The following CELSR2 variants were observed in gnomAD, a reference collection of about 807,000 sequenced individuals.
CELSR2 encodes the protein cadherin EGF LAG seven-pass G-type receptor 2.
CELSR2 carries 81 observed loss-of-function variants against 251.6 expected under a neutral mutation model. The observed-to-expected ratio is 0.32, with a 90% CI of 0.27 to 0.39. CELSR2 has a LOEUF of 0.39. Among genes scored for constraint, CELSR2 ranks in the 10% least tolerant of loss-of-function variants. The probability of loss-of-function intolerance (pLI) is 1.00; values close to 1 mark genes in which losing one functional copy is unlikely to be tolerated. For synonymous variants in CELSR2, 1,721 were observed against 1,670.5 expected, an observed-to-expected ratio of 1.03 and a Z score of -0.74; for missense variants, 3,365 against 3,947.7, an observed-to-expected ratio of 0.85 and a Z score of 3.96.
rs532935188 is a variant in CELSR2 at position 109,267,831 on chromosome 1, C to T, written c.6109-20C>T. The T allele has an allele frequency of 2.0e-5, 32 of 1,591,974 alleles. No homozygotes were observed. Among genetic ancestry groups the T allele is most frequent in the Non-Finnish European group, 2.6e-5 (30 of 1,168,304 alleles). ...AGAGTTCCTGCCCTCACTCCTGCTC[C>T]TCCGCTCCGTCCTGTCTAGGCTGAG... is the stretch of plus-strand genomic sequence containing the variant. On this transcript the variant is annotated intron_variant, in intron 16 of 33. Transcript: ENST00000271332.
chr1:109,263,708 CCGCACG>C lies in CELSR2; in HGVS notation c.4936_4941del (p.Thr1646_Arg1647del). On this transcript the variant is annotated inframe_deletion, in exon 9 of 34. Transcript: ENST00000271332. ...AACCCTGGTACCTCAGCCTCATGTT[CCGCACG>C]CGCCAGGCCGACGGTGTCCTGCTGC... 1 of 1,613,950 alleles carries C rather than the reference CCGCACG, an allele frequency of 6.2e-7. No homozygotes were observed. Among genetic ancestry groups the C allele is most frequent in the South Asian group, 1.1e-5 (1 of 91,088 alleles).
chr1:109,261,160 C>A lies in CELSR2; in HGVS notation c.4077C>A (p.Asp1359Glu), dbSNP rs1656009826. 1 of 1,614,036 alleles carries A rather than the reference C, an allele frequency of 6.2e-7. No individual in the cohort carries two copies. Among genetic ancestry groups the A allele is most frequent in the Non-Finnish European group, 8.5e-7 (1 of 1,180,036 alleles). Residue 1359 changes from aspartate (D) to glutamate (E), a missense_variant, in exon 3 of 34, where the codon GAC becomes GAA. Physicochemically the swap from Asp to Glu is conservative, Grantham distance 45. Coordinates refer to ENST00000271332, the MANE Select transcript of CELSR2 (RefSeq NM_001408.3). This position sits in a 1 kb window ranked among gnomAD's most constrained non-coding sequence, Gnocchi z 4.8. ...GGFKCDCPSG[D>E]FEKPYCQVTT... ...TCAAGTGCGATTGCCCATCTGGAGA[C>A]TTCGAGAAGCCCTACTGCCAGGTGA... is the stretch of plus-strand genomic sequence containing the variant.
In CELSR2 at chr1:109,250,035, G is replaced by C; in HGVS notation, c.-45G>C. ...GGGGCCGGCAGGAGCCGGAGGAGGA[G>C]CCGCCGCCGCCGTTGACCCGGCCGC... On this transcript the variant is annotated 5_prime_UTR_variant, in exon 1 of 34. Coordinates refer to ENST00000271332, the MANE Select transcript of CELSR2 (RefSeq NM_001408.3). This position sits in a 1 kb window ranked among gnomAD's most constrained non-coding sequence, Gnocchi z 4.4. 14 of 1,287,520 alleles carry C rather than the reference G, an allele frequency of 1.1e-5. No individual in the cohort carries two copies. Among genetic ancestry groups the C allele is most frequent in the Non-Finnish European group, 1.3e-5 (13 of 1,024,530 alleles). 79.8% of individuals were successfully genotyped at this position (1,287,520 alleles called of 1,614,324 possible). A position where few individuals can be genotyped will look rare whatever the true frequency, so the allele number is the denominator to read the frequency against.
At chr1:109,268,143 G>A (rs1371409542) in intron 17 of CELSR2, 83 bp downstream of exon 17, 1 of 1,507,650 alleles carries the variant, frequency 6.6e-7, no homozygotes, top group Non-Finnish European at 8.9e-7. Flanking sequence ...GGGGGGCAGA[G>A]GGGGCCCTCC....
Position 109,264,093 on chromosome 1 carries a change from G to C in CELSR2, c.5017G>C (p.Val1673Leu). The C allele has an allele frequency of 6.3e-7, 1 of 1,583,396 alleles. No individual in the cohort carries two copies. The highest frequency in any genetic ancestry group is 1.3e-5 in the African/African-American group (1 of 74,406). The change falls in exon 10 of 34, where the codon GTG becomes CTG. Residue 1673 changes from valine to leucine, a missense_variant. Val to Leu is a conservative substitution (Grantham distance 32). This residue lies in a region of CELSR2 where 2,093 missense variants were observed against 2,382.8 expected (regional missense o/e 0.88). Coordinates refer to ENST00000271332, the MANE Select transcript of CELSR2 (RefSeq NM_001408.3). ...CTGGTGTCAGCTACGAGAGGGCCAC[G>C]TGATGCTGAGCGTGGAGGGCACAGG... The part of the protein sequence containing the change: ...TITLQLREGH[V>L]MLSVEGTGLQ...
At chr1:109,268,183 C>T in intron 17 of CELSR2, 123 bp downstream of exon 17, 3 of 1,380,354 alleles carry the variant, frequency 2.2e-6, no homozygotes, top group Non-Finnish European at 1.9e-6. Context: ...TCCCTGCTGG[C>T]AGGAGGCCTC....
chr1:109,266,914 G>T (rs1413104013), intron 15 of CELSR2, among the ~76,000 whole-genome samples: 1 of 150,744 alleles, frequency 6.6e-6, no homozygotes, highest in Non-Finnish European at 1.5e-5. Flanking sequence ...GTAGAGACAG[G>T]GTTTCACCAT....
Position 109,272,883 on chromosome 1 carries a change from G to A in CELSR2, c.8194G>A (p.Gly2732Ser). 6 of 1,614,042 alleles carry A rather than the reference G, an allele frequency of 3.7e-6. No homozygotes were observed. Among genetic ancestry groups the A allele is most frequent in the Non-Finnish European group, 5.1e-6 (6 of 1,179,986 alleles). The change falls in exon 31 of 34, where the codon GGC (glycine) becomes AGC (serine). Residue 2732 changes from glycine (G) to serine (S), a missense_variant. Around this residue, in one of 5 missense-constraint regions of CELSR2, gnomAD observed 2,093 missense variants for 2,382.8 expected, o/e 0.88. Transcript: ENST00000271332. ...CCTGTCCTTAGAAGACGACCAGAGTGGCTCCTATGCCTCTACCCACTCATC... is the reference window on the plus strand; with the variant it reads ...CCTGTCCTTAGAAGACGACCAGAGTAGCTCCTATGCCTCTACCCACTCATC... The part of the protein sequence containing the change: ...SDLSLEDDQS[G>S]SYASTHSSDS...
At chr1:109,256,873 T>C (rs1202686550) in intron 1 of CELSR2, among the ~76,000 whole-genome samples, 4 of 152,160 alleles carry the variant, frequency 2.6e-5, no homozygotes, top group Admixed American at 2.0e-4. Context: ...TTGGTCAGTC[T>C]GATCTCGAAC....
In CELSR2 at chr1:109,268,630, A is replaced by G; in HGVS notation, c.6368A>G (p.His2123Arg). 5 of 1,613,844 alleles carry G rather than the reference A, an allele frequency of 3.1e-6. No homozygotes were observed. Among genetic ancestry groups the G allele is most frequent in the Non-Finnish European group, 4.2e-6 (5 of 1,179,966 alleles). Residue 2123 changes from histidine (H) to arginine (R), a missense_variant, in exon 18 of 34, where the codon CAC becomes CGC. Physicochemically the swap from His to Arg is conservative, Grantham distance 29. Coordinates refer to ENST00000271332, the MANE Select transcript of CELSR2 (RefSeq NM_001408.3). ...SALLDTANKR[H>R]WELIQQTEGG... Reference sequence around the variant, plus strand: ...CTCCTGGACACAGCCAACAAGCGGCACTGGGAGCTGATCCAGCAGACAGAG... The same window carrying G: ...CTCCTGGACACAGCCAACAAGCGGCGCTGGGAGCTGATCCAGCAGACAGAG...
At position 109,272,697 on chromosome 1, in the gene CELSR2, C is replaced by T. The variant is rs1337376976; in HGVS notation, c.8112C>T (p.Ser2704=). ...CCCCTGGCCTGGGGGATCCAGGCAGCCTGTTCCTGGAAGGTCAAGACCAGC... is the reference window on the plus strand; with the variant it reads ...CCCCTGGCCTGGGGGATCCAGGCAGTCTGTTCCTGGAAGGTCAAGACCAGC... The part of the protein sequence containing the change: ...QGPPGLGDPG[S]LFLEGQDQQH... The change falls in exon 30 of 34, where the codon AGC becomes AGT. Residue 2704 remains serine (S), a synonymous_variant. Coordinates refer to ENST00000271332, the MANE Select transcript of CELSR2 (RefSeq NM_001408.3). The T allele has an allele frequency of 3.1e-6, 5 of 1,613,058 alleles. No homozygotes were observed. In the Admixed American group the frequency reaches 5.0e-5, roughly 16 times the overall value.
In CELSR2 at chr1:109,252,501, G is replaced by A. The variant is rs376119081; in HGVS notation, c.2422G>A (p.Val808Met). 144 of 1,613,792 alleles carry A rather than the reference G, an allele frequency of 8.9e-5. No individual in the cohort carries two copies. The highest frequency in any genetic ancestry group is 2.9e-5 in the Non-Finnish European group (34 of 1,180,046). The change falls in exon 1 of 34, where the codon GTG (valine) becomes ATG (methionine). Residue 808 changes from valine (V) to methionine (M), a missense_variant. Coordinates refer to ENST00000271332, the MANE Select transcript of CELSR2 (RefSeq NM_001408.3). This position sits in a 1 kb window ranked among gnomAD's most constrained non-coding sequence, Gnocchi z 4.8. The stretch of plus-strand genomic sequence containing the variant: ...CTACCTGGAGATCCTGGTGAACGAC[G>A]TGAATGACAATGCCCCTCAGTTCCT... ...TTYLEILVNDVNDNAPQFLRD... is the reference protein window; with the variant it reads ...TTYLEILVNDMNDNAPQFLRD...
rs569564354 is a variant in CELSR2, at chr1:109,253,058, C to T, written c.2979C>T (p.Val993=). Residue 993 remains valine (V), a synonymous_variant, in exon 1 of 34, where the codon GTC becomes GTT. Transcript: ENST00000271332. ...DLDYEDRPEY[V]LVIQATSAPL... ...ACTACGAGGACCGGCCTGAGTACGT[C>T]CTGGTCATCCAGGCCACGTCAGCTC... is the stretch of plus-strand genomic sequence containing the variant. 2.5e-6 allele frequency: 4 copies of T among 1,613,694 alleles called. No individual in the cohort carries two copies. The highest frequency in any genetic ancestry group is 3.4e-6 in the Non-Finnish European group (4 of 1,180,034).
At position 109,252,359 on chromosome 1, in the gene CELSR2, C is replaced by T. The variant is rs776874213; in HGVS notation, c.2280C>T (p.Ile760=). The change falls in exon 1 of 34, where the codon ATC becomes ATT. Residue 760 remains isoleucine, a synonymous_variant. Transcript: ENST00000271332. The surrounding 1 kb of genome is among the most constrained non-coding windows in gnomAD (Gnocchi z 4.8). ...FMEDSIPQFR[I]DADTGAVTTQ... ...AGGACAGCATCCCCCAGTTCCGCATCGATGCAGACACGGGGGCTGTCACCA... is the reference window on the plus strand; with the variant it reads ...AGGACAGCATCCCCCAGTTCCGCATTGATGCAGACACGGGGGCTGTCACCA... The T allele has an allele frequency of 5.0e-6, 8 of 1,613,016 alleles. No homozygotes were observed. Among genetic ancestry groups the T allele is most frequent in the East Asian group, 2.2e-5 (1 of 44,882 alleles).
intron 14 of CELSR2, 51 bp downstream of exon 14, chr1:109,265,969 C>T (rs779965912): frequency 1.3e-6 from 2 of 1,588,694 alleles, no homozygotes; most frequent in South Asian, 1.1e-5. Flanking sequence ...TGCTAGGCAC[C>T]TGCACCCCAG....
chr1:109,272,364 C>G lies in CELSR2; in HGVS notation c.8013C>G (p.Arg2671=). 1 of 1,612,414 alleles carries G rather than the reference C, an allele frequency of 6.2e-7. No individual in the cohort carries two copies. Among genetic ancestry groups the G allele is most frequent in the South Asian group, 1.1e-5 (1 of 91,058 alleles). The change falls in exon 29 of 34, where the codon CGC becomes CGG. Residue 2671 remains arginine, a synonymous_variant. Coordinates refer to ENST00000271332, the MANE Select transcript of CELSR2 (RefSeq NM_001408.3). ...CCGGCTCTCTGCACAGCACCAGTCGCTCGGGCAAGAGTCAGCCCAGCTACA... is the reference window on the plus strand; with the variant it reads ...CCGGCTCTCTGCACAGCACCAGTCGGTCGGGCAAGAGTCAGCCCAGCTACA... The part of the protein sequence containing the change: ...DSAGSLHSTS[R]SGKSQPSYIP...
rs199706642 is a variant in CELSR2 at position 109,253,376 on chromosome 1, C to T, written c.3297C>T (p.Ser1099=). ...DNNRPLEAIM[S]VLVSDGVHSV... ...ACCGGCCTCTGGAGGCCATCATGAG[C>T]GTGCTGGTGTCAGGTAAGGAAGGGC... Residue 1099 remains serine, a synonymous_variant, in exon 1 of 34, where the codon AGC becomes AGT. Transcript: ENST00000271332. The T allele has an allele frequency of 1.3e-4, 211 of 1,612,376 alleles. No homozygotes were observed. Among genetic ancestry groups the T allele is most frequent in the African/African-American group, 3.6e-4 (27 of 75,048 alleles).
At chr1:109,273,940 T>C in intron 33 of CELSR2, 82 bp from the exon 34 acceptor site, 2 of 1,549,770 alleles carry the variant, frequency 1.3e-6, no homozygotes, top group Non-Finnish European at 1.8e-6. Flanking sequence ...TTCCTTCGTC[T>C]GGTGAAAGCT....
intron 1 of CELSR2, among the ~76,000 whole-genome samples, chr1:109,257,918 T>G (rs1438174921): frequency 2.6e-5 from 4 of 151,984 alleles, no homozygotes; most frequent in African/African-American, 9.7e-5. Context: ...TGGGGCTCAG[T>G]GGGAGGGGGA....
Sources: allele counts gnomAD v4.1 joint callset (sites outside exome capture counted in the v4.1 genomes callset), GRCh38; gene constraint gnomAD v4.1.1; regional missense constraint gnomAD v4.1.1; non-coding constraint Gnocchi (gnomAD v3.1); transcripts MANE v1.5; gene names NCBI Gene and HGNC (gene_info 2026-07-23, HGNC 2026-07-21).